The following RFTN1 variants were observed in gnomAD, a reference collection of about 807,000 sequenced individuals.
RFTN1 encodes the protein raftlin, lipid raft linker 1, also known as raftlin.
Under a neutral mutation model 46.5 loss-of-function variants are expected in RFTN1, and 26 were observed. That is an observed-to-expected ratio of 0.56 (90% confidence interval 0.41 to 0.78). The LOEUF is 0.78. Ranked by LOEUF, RFTN1 falls within the 30% of genes least tolerant of loss-of-function variation. The pLI, the probability that RFTN1 is intolerant of heterozygous loss-of-function variation, is 0.00. For synonymous variants in RFTN1, 261 were observed against 284.2 expected, an observed-to-expected ratio of 0.92 and a Z score of 0.82; for missense variants, 693 against 718.7, an observed-to-expected ratio of 0.96 and a Z score of 0.41.
intron 3 of RFTN1, among the ~76,000 whole-genome samples, chr3:16,415,430 T>TACACACACACACACACACAC (rs1553589390): frequency 1.8e-5 from 2 of 114,260 alleles, no homozygotes; most frequent in African/African-American, 5.5e-5. Context: ...TATATATATA[T>TACACACACACACACACACAC]ACACACACAC....
rs975787974 is a variant in RFTN1 at position 16,512,143 on chromosome 3, T to G, written c.-9+1299A>C. Among the ~76,000 whole-genome samples, 3 of 152,118 alleles carry G rather than the reference T, an allele frequency of 2.0e-5. No homozygotes were observed. Among genetic ancestry groups the G allele is most frequent in the Non-Finnish European group, 4.4e-5 (3 of 68,012 alleles). Reference sequence around the variant, plus strand: ...GGGTTTGGTGACATCTGGGGTCACTTGAACTTCGTTGGGATTCAGCTGTTC... The same window carrying G: ...GGGTTTGGTGACATCTGGGGTCACTGGAACTTCGTTGGGATTCAGCTGTTC... On this transcript the variant is annotated intron_variant, in intron 1 of 9. Coordinates refer to ENST00000334133, the MANE Select transcript of RFTN1 (RefSeq NM_015150.2). The surrounding 1 kb of genome is among the most constrained non-coding windows in gnomAD (Gnocchi z 4.3).
intron 9 of RFTN1, among the ~76,000 whole-genome samples, chr3:16,318,990 C>T (rs527463519): frequency 6.6e-5 from 10 of 152,300 alleles, no homozygotes; most frequent in African/African-American, 2.2e-4. Context: ...AGAGGAGGCC[C>T]CTGATTTTAG....
At position 16,481,892 on chromosome 3, in the gene RFTN1, C is replaced by T. The variant is rs959589343; in HGVS notation, c.145+11833G>A. Among the ~76,000 whole-genome samples the T allele has an allele frequency of 6.6e-6, 1 of 152,130 alleles. No individual in the cohort carries two copies. The highest frequency in any genetic ancestry group is 2.4e-5 in the African/African-American group (1 of 41,420). ...TCTATATTCAGCACAGGAAAAGTCC[C>T]GATATTGGCACACTTACAAAACTGG... On this transcript the variant is annotated intron_variant, in intron 2 of 9. Coordinates refer to ENST00000334133, the MANE Select transcript of RFTN1 (RefSeq NM_015150.2). This position sits in a 1 kb window ranked among gnomAD's most constrained non-coding sequence, Gnocchi z 5.1.
intron 1 of RFTN1, among the ~76,000 whole-genome samples, chr3:16,508,259 C>T (rs1050665399): frequency 6.6e-6 from 1 of 152,184 alleles, no homozygotes; most frequent in Non-Finnish European, 1.5e-5. Flanking sequence ...AAGCTGCCAG[C>T]CTTCTCCATC....
Position 16,317,762 on chromosome 3 carries a change from CCA to C in RFTN1, c.1333-532_1333-531del, listed in dbSNP as rs1374513291. Among the ~76,000 whole-genome samples, 2 of 139,344 alleles carry C rather than the reference CCA, an allele frequency of 1.4e-5. No individual in the cohort carries two copies. Among genetic ancestry groups the C allele is most frequent in the South Asian group, 4.2e-4 (2 of 4,712 alleles). 91.4% of individuals were successfully genotyped at this position (139,344 alleles called of 152,430 possible). A position where few individuals can be genotyped will look rare whatever the true frequency, so the allele number is the denominator to read the frequency against. ...CCCACAGGACTGGCGGGCCCGCTCC[CCA>C]GCTAGGCCGATAGCCCTTTGCTGAC... On this transcript the variant is annotated intron_variant, in intron 9 of 9. Coordinates refer to ENST00000334133, the MANE Select transcript of RFTN1 (RefSeq NM_015150.2). This position sits in a 1 kb window ranked among gnomAD's most constrained non-coding sequence, Gnocchi z 4.3.
intron 2 of RFTN1, among the ~76,000 whole-genome samples, chr3:16,482,468 C>T (rs1168389789): frequency 2.6e-5 from 4 of 152,120 alleles, no homozygotes; most frequent in Non-Finnish European, 2.9e-5. Context: ...CTTGAATGAC[C>T]GATCACAGCC....
chr3:16,389,652 T>C (rs1392874910), intron 4 of RFTN1, among the ~76,000 whole-genome samples: 1 of 152,384 alleles, frequency 6.6e-6, no homozygotes, highest in South Asian at 2.1e-4. Flanking sequence ...AGTTCTCTCC[T>C]AGTAGAAGAA....
chr3:16,441,299 T>TAAAAAAAAA (rs59877269), intron 2 of RFTN1, among the ~76,000 whole-genome samples: 30 of 47,530 alleles, frequency 6.3e-4, no homozygotes, highest in East Asian at 3.0e-3. Context: ...TTCCAAGAAC[T>TAAAAAAAAA]AAAAAAAAAA....
chr3:16,437,087 C>T (rs2075530884), intron 2 of RFTN1, among the ~76,000 whole-genome samples: 2 of 152,138 alleles, frequency 1.3e-5, no homozygotes, highest in Admixed American at 6.5e-5. Flanking sequence ...CCTTTGGGTC[C>T]CTCTGGAGCA....
chr3:16,359,280 C>T (rs6787251), intron 6 of RFTN1, among the ~76,000 whole-genome samples: 30,665 of 152,056 alleles, frequency 0.2, 3,200 homozygotes, highest in South Asian at 0.24. Flanking sequence ...GACAATCTCT[C>T]TTGGTTCCCA....
Position 16,506,075 on chromosome 3 carries a change from C to A in RFTN1, c.-9+7367G>T, listed in dbSNP as rs1035620056. Among the ~76,000 whole-genome samples, 2 of 151,996 alleles carry A rather than the reference C, an allele frequency of 1.3e-5. No individual in the cohort carries two copies. Among genetic ancestry groups the A allele is most frequent in the African/African-American group, 2.4e-5 (1 of 41,338 alleles). On this transcript the variant is annotated intron_variant, in intron 1 of 9. Transcript: ENST00000334133. This position sits in a 1 kb window ranked among gnomAD's most constrained non-coding sequence, Gnocchi z 4.8. ...CACAAAATCCCATTTTTAAAGTATG[C>A]CAACTAGAAAACAACAATGCAGGGG...
rs1260619275 is a variant in RFTN1 at position 16,316,580 on chromosome 3, G to T, written c.*248C>A. On this transcript the variant is annotated 3_prime_UTR_variant, in exon 10 of 10. Coordinates refer to ENST00000334133, the MANE Select transcript of RFTN1 (RefSeq NM_015150.2). This position sits in a 1 kb window ranked among gnomAD's most constrained non-coding sequence, Gnocchi z 4.5. ...CAGGACTGGGCCTTCAGCCATGAGG[G>T]CTAGAATAACCTGACCTCTTGCATT... The T allele has an allele frequency of 3.7e-6, 2 of 546,748 alleles. No individual in the cohort carries two copies. Among genetic ancestry groups the T allele is most frequent in the East Asian group, 3.3e-5 (1 of 30,702 alleles). 33.9% of individuals were successfully genotyped at this position (546,748 alleles called of 1,614,324 possible). A position where few individuals can be genotyped will look rare whatever the true frequency, so the allele number is the denominator to read the frequency against.
rs2075948983 is a variant in RFTN1, at chr3:16,458,308, T to A, written c.146-24271A>T. Among the ~76,000 whole-genome samples the A allele has an allele frequency of 6.6e-6, 1 of 152,168 alleles. No homozygotes were observed. The highest frequency in any genetic ancestry group is 1.5e-5 in the Non-Finnish European group (1 of 68,020). ...AGCATGGAAATAGATTGCTGCAGCA[T>A]GTTCTGCTGTATTATTCAGGTCCAG... On this transcript the variant is annotated intron_variant, in intron 2 of 9. Transcript: ENST00000334133. The surrounding 1 kb of genome is among the most constrained non-coding windows in gnomAD (Gnocchi z 5.1).
intron 2 of RFTN1, among the ~76,000 whole-genome samples, chr3:16,472,906 G>A (rs1027255861): frequency 1.3e-5 from 2 of 152,182 alleles, no homozygotes; most frequent in Non-Finnish European, 2.9e-5. Flanking sequence ...TCCAGGGGCT[G>A]GCACTACCAG....
intron 3 of RFTN1, among the ~76,000 whole-genome samples, chr3:16,423,216 T>C (rs906304413): frequency 2.0e-5 from 3 of 151,168 alleles, no homozygotes; most frequent in African/African-American, 7.4e-5. Flanking sequence ...ACTAACCCAC[T>C]GGTTCTCAAA....
chr3:16,375,536 T>C (rs1331274868), intron 5 of RFTN1, among the ~76,000 whole-genome samples: 1 of 151,964 alleles, frequency 6.6e-6, no homozygotes. Context: ...GAAAGGCTTA[T>C]ATGTGAAATG....
Position 16,414,405 on chromosome 3 carries a change from G to A in RFTN1, c.333-4922C>T, listed in dbSNP as rs2075035424. Among the ~76,000 whole-genome samples, 3 of 151,964 alleles carry A rather than the reference G, an allele frequency of 2.0e-5. No individual in the cohort carries two copies. In the South Asian group the frequency reaches 6.3e-4, roughly 32 times the overall value. On this transcript the variant is annotated intron_variant, in intron 3 of 9. Transcript: ENST00000334133. Reference sequence around the variant, plus strand: ...GAGGATCACCTGAGGTCAGGGGTTCGAGACCAGCCTGGCCAACATGGCAAA... The same window carrying A: ...GAGGATCACCTGAGGTCAGGGGTTCAAGACCAGCCTGGCCAACATGGCAAA...
At position 16,460,437 on chromosome 3, in the gene RFTN1, G is replaced by A. The variant is rs1228564391; in HGVS notation, c.146-26400C>T. ...AGGTAGACATTTCATTTGAATTTCC[G>A]GAGCCTGGTTTTATCTTAACAGCCC... is the stretch of plus-strand genomic sequence containing the variant. On this transcript the variant is annotated intron_variant, in intron 2 of 9. Transcript: ENST00000334133. This position sits in a 1 kb window ranked among gnomAD's most constrained non-coding sequence, Gnocchi z 4.8. Among the ~76,000 whole-genome samples the A allele has an allele frequency of 7.2e-5, 11 of 152,150 alleles. No individual in the cohort carries two copies. The highest frequency in any genetic ancestry group is 3.9e-4 in the East Asian group (2 of 5,190).
In RFTN1 at chr3:16,365,324, C is replaced by G. The variant is rs368987967; in HGVS notation, c.1030+4752G>C. On this transcript the variant is annotated intron_variant, in intron 6 of 9. Transcript: ENST00000334133. ...CACCACTGGCATTATTGAGCATCAT[C>G]CAGAACTATCATTAGCCACCTTCTG... 5.9e-5 allele frequency among the ~76,000 whole-genome samples: 9 copies of G among 152,318 alleles called. No individual in the cohort carries two copies. The South Asian group carries it at 1.9e-3, about 32-fold the overall frequency.
Sources: gnomAD v4.1 joint callset for allele counts (sites outside exome capture counted in the v4.1 genomes callset) on GRCh38, gnomAD v4.1.1 for gene constraint, Gnocchi (gnomAD v3.1) non-coding constraint, MANE v1.5 for transcripts, NCBI Gene and HGNC (gene_info 2026-07-23, HGNC 2026-07-21) for gene names.